SMAD2: variants seen among roughly 807,000 people sequenced by gnomAD.
SMAD2 encodes SMAD family member 2, also known as MAD homolog 2.
In SMAD2, 8 loss-of-function variants were observed where a neutral mutation model predicts 64.4. The ratio of observed to expected loss-of-function variants is 0.12; its 90% CI spans 0.07 to 0.22. SMAD2 has a LOEUF of 0.22. Ranked by LOEUF, SMAD2 falls within the 10% of genes least tolerant of loss-of-function variation. SMAD2 has a pLI of 1.00. For missense variants in SMAD2, 289 were observed against 561.2 expected (o/e 0.51, Z 4.90); for synonymous variants, 203 against 195.8 (o/e 1.04, Z -0.31).
chr18:47,850,247 T>TTATGTATA (rs1915041192), intron 7 of SMAD2, among the ~76,000 whole-genome samples: 2 of 69,736 alleles, frequency 2.9e-5, no homozygotes, highest in Admixed American at 2.6e-4. Context: ...TATTATATAT[T>TTATGTATA]ATATATATTA....
At position 47,839,406 on chromosome 18, in the gene SMAD2, T is replaced by G. The variant is rs193053001; in HGVS notation, c.*2421A>C. Reference sequence around the variant, plus strand: ...GGCAGAGGCTCCACTGAGTATCTCCTACAGGCCTGATAGTGGTATTACCTA... The same window carrying G: ...GGCAGAGGCTCCACTGAGTATCTCCGACAGGCCTGATAGTGGTATTACCTA... On this transcript the variant is annotated 3_prime_UTR_variant, in exon 11 of 11. Coordinates refer to ENST00000262160, the MANE Select transcript of SMAD2 (RefSeq NM_005901.6). 22 of 233,366 alleles carry G rather than the reference T, an allele frequency of 9.4e-5. 1 individual carries two copies. Among genetic ancestry groups the G allele is most frequent in the Admixed American group, 1.7e-4 (3 of 17,806 alleles). The allele number at this position is 233,366 out of a possible 1,614,324, so 14.5% of individuals were successfully genotyped here. A position where few individuals can be genotyped will look rare whatever the true frequency, so the allele number is the denominator to read the frequency against.
In SMAD2 at chr18:47,830,206, A is replaced by C. The variant is rs571154705; in HGVS notation, c.*11621T>G. 6.6e-6 allele frequency: 1 copy of C among 152,282 alleles called. No homozygotes were observed. Among genetic ancestry groups the C allele is most frequent in the East Asian group, 1.9e-4 (1 of 5,184 alleles). 9.4% of individuals were successfully genotyped at this position (152,282 alleles called of 1,614,324 possible). A position where few individuals can be genotyped will look rare whatever the true frequency, so the allele number is the denominator to read the frequency against. ...TTCTTGGGTAAAACAGACACTAATA[A>C]GTTTTTTTTCAATATAAAAGAGCAA... On this transcript the variant is annotated 3_prime_UTR_variant, in exon 11 of 11. Coordinates refer to ENST00000262160, the MANE Select transcript of SMAD2 (RefSeq NM_005901.6).
At position 47,834,317 on chromosome 18, in the gene SMAD2, T is replaced by C. The variant is rs1386895835; in HGVS notation, c.*7510A>G. 2 of 209,090 alleles carry C rather than the reference T, an allele frequency of 9.6e-6. No homozygotes were observed. The highest frequency in any genetic ancestry group is 4.5e-5 in the African/African-American group (2 of 43,972). The allele number at this position is 209,090 out of a possible 1,614,324, so 13.0% of individuals were successfully genotyped here. A position where few individuals can be genotyped will look rare whatever the true frequency, so the allele number is the denominator to read the frequency against. On this transcript the variant is annotated 3_prime_UTR_variant, in exon 11 of 11. Coordinates refer to ENST00000262160, the MANE Select transcript of SMAD2 (RefSeq NM_005901.6). Reference sequence around the variant, plus strand: ...AAATGAATTTCTTAAGTTCAAGATATGTACTCTCAATGGAGAATCGCTTTT... The same window carrying C: ...AAATGAATTTCTTAAGTTCAAGATACGTACTCTCAATGGAGAATCGCTTTT...
In SMAD2 at chr18:47,881,745, G is replaced by A. The variant is rs528596072; in HGVS notation, c.237-11181C>T. On this transcript the variant is annotated intron_variant, in intron 2 of 10. Coordinates refer to ENST00000262160, the MANE Select transcript of SMAD2 (RefSeq NM_005901.6). Reference sequence around the variant, plus strand: ...AAATACCTTTTATCAGACTGAGAAAGTCTCTTTGTTTCTCATTTGCTGGGA... The same window carrying A: ...AAATACCTTTTATCAGACTGAGAAAATCTCTTTGTTTCTCATTTGCTGGGA... Among the ~76,000 whole-genome samples the A allele has an allele frequency of 1.4e-4, 22 of 152,310 alleles. No homozygotes were observed. In the South Asian group the frequency reaches 4.3e-3, roughly 30 times the overall value.
rs1170622045 is a variant in SMAD2, at chr18:47,869,447, G to T, written c.327-11C>A. On this transcript the variant is annotated splice_polypyrimidine_tract_variant and intron_variant, in intron 3 of 10. Transcript: ENST00000262160. Reference sequence around the variant, plus strand: ...CGACCATCAAGAGACCTGTTGGGAAGCAAGGGGAAAAGAAAGGAGGGAACT... The same window carrying T: ...CGACCATCAAGAGACCTGTTGGGAATCAAGGGGAAAAGAAAGGAGGGAACT... 5.7e-6 allele frequency: 9 copies of T among 1,570,718 alleles called. No homozygotes were observed. The African/African-American group carries it at 1.3e-4, about 22-fold the overall frequency.
In SMAD2 at chr18:47,810,697, G is replaced by A. The variant is rs1912172195; in HGVS notation, c.*31130C>T. 2 of 152,190 alleles carry A rather than the reference G, an allele frequency of 1.3e-5. No homozygotes were observed. The highest frequency in any genetic ancestry group is 2.9e-5 in the Non-Finnish European group (2 of 68,064). The allele number at this position is 152,190 out of a possible 1,614,324, so 9.4% of individuals were successfully genotyped here. A position where few individuals can be genotyped will look rare whatever the true frequency, so the allele number is the denominator to read the frequency against. ...TGCCTGTAATCCCAACACGTTGGGAGGCTGAGGTGGGAGGATCACTTGGGC... is the reference window on the plus strand; with the variant it reads ...TGCCTGTAATCCCAACACGTTGGGAAGCTGAGGTGGGAGGATCACTTGGGC... On this transcript the variant is annotated 3_prime_UTR_variant, in exon 11 of 11. Transcript: ENST00000262160.
Position 47,812,890 on chromosome 18 carries a change from T to C in SMAD2, c.*28937A>G, listed in dbSNP as rs879869100. On this transcript the variant is annotated 3_prime_UTR_variant, in exon 11 of 11. Transcript: ENST00000262160. Reference sequence around the variant, plus strand: ...CAGGGGTAACTTTCAATAGGGGTGGTTAAGGAAGACTCTGCAGAGAGGATG... The same window carrying C: ...CAGGGGTAACTTTCAATAGGGGTGGCTAAGGAAGACTCTGCAGAGAGGATG... 2.6e-5 allele frequency: 4 copies of C among 152,134 alleles called. No homozygotes were observed. Among genetic ancestry groups the C allele is most frequent in the Admixed American group, 6.6e-5 (1 of 15,262 alleles). The allele number at this position is 152,134 out of a possible 1,614,324, so 9.4% of individuals were successfully genotyped here.
At position 47,820,318 on chromosome 18, in the gene SMAD2, T is replaced by G. The variant is rs1912525232; in HGVS notation, c.*21509A>C. 1 of 152,244 alleles carries G rather than the reference T, an allele frequency of 6.6e-6. No homozygotes were observed. Among genetic ancestry groups the G allele is most frequent in the Middle Eastern group, 3.4e-3 (1 of 294 alleles). The allele number at this position is 152,244 out of a possible 1,614,324, so 9.4% of individuals were successfully genotyped here. ...CCTAGGTTTTCACTAAAAATTAAGG[T>G]TAATAAGTTAAAATTTGAAAATACA... is the stretch of plus-strand genomic sequence containing the variant. On this transcript the variant is annotated 3_prime_UTR_variant, in exon 11 of 11. Coordinates refer to ENST00000262160, the MANE Select transcript of SMAD2 (RefSeq NM_005901.6).
At position 47,832,310 on chromosome 18, in the gene SMAD2, G is replaced by A. The variant is rs886251651; in HGVS notation, c.*9517C>T. 9 of 152,172 alleles carry A rather than the reference G, an allele frequency of 5.9e-5. No individual in the cohort carries two copies. Among genetic ancestry groups the A allele is most frequent in the Admixed American group, 1.3e-4 (2 of 15,280 alleles). 9.4% of individuals were successfully genotyped at this position (152,172 alleles called of 1,614,324 possible). A position where few individuals can be genotyped will look rare whatever the true frequency, so the allele number is the denominator to read the frequency against. On this transcript the variant is annotated 3_prime_UTR_variant, in exon 11 of 11. Transcript: ENST00000262160. ...TGAGGTGACAATGTAGAAGGATCTCGAGTCAGCCCTCAATGTTGTTGTTCA... is the reference window on the plus strand; with the variant it reads ...TGAGGTGACAATGTAGAAGGATCTCAAGTCAGCCCTCAATGTTGTTGTTCA...
In SMAD2 at chr18:47,865,048, A is replaced by T. The variant is rs191998339; in HGVS notation, c.730+11T>A. 1.8e-3 allele frequency: 2,672 copies of T among 1,520,292 alleles called. 37 individuals are homozygous for T. The African/African-American group carries it at 0.029, about 17-fold the overall frequency. 94.2% of individuals were successfully genotyped at this position (1,520,292 alleles called of 1,614,324 possible). ...TAATAACTGAGGAATTTTCAAAGAC[A>T]TTTTTTTTACCTGTGTCCATACTTT... On this transcript the variant is annotated intron_variant, in intron 6 of 10. Coordinates refer to ENST00000262160, the MANE Select transcript of SMAD2 (RefSeq NM_005901.6).
At chr18:47,893,268 C>A (rs1022609488) in intron 2 of SMAD2, among the ~76,000 whole-genome samples, 1 of 152,092 alleles carries the variant, frequency 6.6e-6, no homozygotes, top group African/African-American at 2.4e-5. Flanking sequence ...CCAGAGGCAA[C>A]AAGAGTAATG....
In SMAD2 at chr18:47,841,946, G is replaced by A. The variant is rs1420438415; in HGVS notation, c.1285C>T (p.Gln429Ter). The A allele has an allele frequency of 6.2e-7, 1 of 1,614,104 alleles. No homozygotes were observed. Among genetic ancestry groups the A allele is most frequent in the Non-Finnish European group, 8.5e-7 (1 of 1,179,980 alleles). The change falls in exon 11 of 11, where the codon CAG becomes TAG. Residue 429 changes from glutamine to a stop codon, truncating the protein, a stop_gained. Coordinates refer to ENST00000262160, the MANE Select transcript of SMAD2 (RefSeq NM_005901.6). LOFTEE classifies it high-confidence loss of function. Reference sequence around the variant, plus strand: ...CAGCAAGGAGTACTTGTTACCGTCTGCCTTCTGTTTAAAAGAATACAGGAA... The same window carrying A: ...CAGCAAGGAGTACTTGTTACCGTCTACCTTCTGTTTAAAAGAATACAGGAA... ...VKGWGAEYRR[Q>*]TVTSTPCWIE...
intron 6 of SMAD2, among the ~76,000 whole-genome samples, chr18:47,854,600 A>T (rs989392490): frequency 6.6e-6 from 1 of 152,060 alleles, no homozygotes; most frequent in Non-Finnish European, 1.5e-5. Flanking sequence ...CTTAAAAATC[A>T]GTTCTTAGAC....
rs1894590689 is a variant in SMAD2, at chr18:47,816,826, C to A, written c.*25001G>T. 6.8e-6 allele frequency: 1 copy of A among 147,848 alleles called. No individual in the cohort carries two copies. The highest frequency in any genetic ancestry group is 2.5e-5 in the African/African-American group (1 of 40,086). The allele number at this position is 147,848 out of a possible 1,614,324, so 9.2% of individuals were successfully genotyped here. A position where few individuals can be genotyped will look rare whatever the true frequency, so the allele number is the denominator to read the frequency against. On this transcript the variant is annotated 3_prime_UTR_variant, in exon 11 of 11. Transcript: ENST00000262160. ...TCGCCCAGGCTGGAGTGCAGTGGCA[C>A]ATCTAGGCTCACTGCAACCTCCACT... is the stretch of plus-strand genomic sequence containing the variant.
intron 8 of SMAD2, among the ~76,000 whole-genome samples, chr18:47,847,798 T>G (rs555760527): frequency 3.9e-5 from 6 of 152,006 alleles, no homozygotes; most frequent in African/African-American, 1.4e-4. Flanking sequence ...ATTTCATCTC[T>G]TGCAAAATCA....
chr18:47,831,775 T>C lies in SMAD2; in HGVS notation c.*10052A>G, dbSNP rs1003162527. On this transcript the variant is annotated 3_prime_UTR_variant, in exon 11 of 11. Coordinates refer to ENST00000262160, the MANE Select transcript of SMAD2 (RefSeq NM_005901.6). Reference sequence around the variant, plus strand: ...TCACTATGGCAAAATAGCATGACATTTGTTTTACAAAATCAGTTAAACCAA... The same window carrying C: ...TCACTATGGCAAAATAGCATGACATCTGTTTTACAAAATCAGTTAAACCAA... The C allele has an allele frequency of 6.6e-6, 1 of 152,260 alleles. No homozygotes were observed. Among genetic ancestry groups the C allele is most frequent in the Non-Finnish European group, 1.5e-5 (1 of 68,050 alleles). The allele number at this position is 152,260 out of a possible 1,614,324, so 9.4% of individuals were successfully genotyped here.
intron 1 of SMAD2, among the ~76,000 whole-genome samples, chr18:47,897,992 A>G (rs1432321820): frequency 6.6e-6 from 1 of 152,232 alleles, no homozygotes; most frequent in Non-Finnish European, 1.5e-5. Context: ...CTGAAATTGT[A>G]GTTTTCAAAG....
At position 47,826,800 on chromosome 18, in the gene SMAD2, G is replaced by C. The variant is rs1448394071; in HGVS notation, c.*15027C>G. On this transcript the variant is annotated 3_prime_UTR_variant, in exon 11 of 11. Transcript: ENST00000262160. ...TAGAGAAAGATTTGTTATTAGCAAAGACCTTCAGAGTAACCTTTGCCTGGT... is the reference window on the plus strand; with the variant it reads ...TAGAGAAAGATTTGTTATTAGCAAACACCTTCAGAGTAACCTTTGCCTGGT... 1 of 152,176 alleles carries C rather than the reference G, an allele frequency of 6.6e-6. No individual in the cohort carries two copies. Among genetic ancestry groups the C allele is most frequent in the Non-Finnish European group, 1.5e-5 (1 of 68,030 alleles). The allele number at this position is 152,176 out of a possible 1,614,324, so 9.4% of individuals were successfully genotyped here.
chr18:47,921,275 G>T (rs2034548527), intron 1 of SMAD2, among the ~76,000 whole-genome samples: 1 of 152,206 alleles, frequency 6.6e-6, no homozygotes, highest in Admixed American at 6.5e-5. Context: ...AGTGACATAT[G>T]TGACCACTTG....
Sources: allele counts gnomAD v4.1 joint callset (sites outside exome capture counted in the v4.1 genomes callset), GRCh38; gene constraint gnomAD v4.1.1; transcripts MANE v1.5; gene names NCBI Gene and HGNC (gene_info 2026-07-23, HGNC 2026-07-21).